Variants in YTHDC2 observed in about 807,000 individuals in gnomAD.
YTHDC2 encodes YTH N6-methyladenosine RNA binding protein C2.
YTHDC2 carries 45 observed loss-of-function variants against 174.9 expected under a neutral mutation model. That is an observed-to-expected ratio of 0.26 (90% CI 0.20 to 0.33). The LOEUF is 0.33. Among genes scored for constraint, YTHDC2 ranks in the 10% least tolerant of loss-of-function variants. The probability of loss-of-function intolerance (pLI) is 1.00; values close to 1 mark genes in which losing one functional copy is unlikely to be tolerated. For synonymous variants in YTHDC2, 657 were observed against 574.5 expected (o/e 1.14, Z -2.05); for missense variants, 1,650 against 1,723.7 (o/e 0.96, Z 0.76).
intron 7 of YTHDC2, among the ~76,000 whole-genome samples, chr5:113,536,252 G>T (rs59757131): frequency 2.0e-5 from 3 of 152,312 alleles, no homozygotes; most frequent in East Asian, 1.9e-4. Context: ...TAGGCCGGGC[G>T]TGGGGGCTCA....
At chr5:113,588,207 C>G (rs950575588) in intron 26 of YTHDC2, among the ~76,000 whole-genome samples, 3 of 151,338 alleles carry the variant, frequency 2.0e-5, no homozygotes, top group Non-Finnish European at 2.9e-5. Context: ...TCTTTTTTAC[C>G]TTATCTCTCT....
rs930999305 is a variant in YTHDC2, at chr5:113,520,719, G to A, written c.279-4262G>A. ...CTTTCTTATACATTAAATGCAGCAG[G>A]ATGTATGACAGAGCATGCCTCCATT... On this transcript the variant is annotated intron_variant, in intron 2 of 29. Coordinates refer to ENST00000161863, the MANE Select transcript of YTHDC2 (RefSeq NM_022828.5). 2.4e-4 allele frequency among the ~76,000 whole-genome samples: 37 copies of A among 152,144 alleles called. 1 individual carries two copies. Among genetic ancestry groups the A allele is most frequent in the Non-Finnish European group, 7.3e-5 (5 of 68,032 alleles).
rs746138759 is a variant in YTHDC2, at chr5:113,553,309, T to C, written c.1817T>C (p.Leu606Ser). ...HHSFDDEKVD[L>S]DLIMHLLYNI... ...AGTTTCGATGATGAAAAAGTAGACT[T>C]GGATTTGATCATGCATCTTCTATAC... The change falls in exon 13 of 30, where the codon TTG (leucine) becomes TCG (serine). Residue 606 changes from leucine (L) to serine (S), a missense_variant. Transcript: ENST00000161863. 1.4e-5 allele frequency: 22 copies of C among 1,611,940 alleles called. No individual in the cohort carries two copies. In the South Asian group the frequency reaches 2.2e-4, roughly 16 times the overall value.
intron 20 of YTHDC2, among the ~76,000 whole-genome samples, chr5:113,564,561 A>G (rs1325387246): frequency 6.6e-6 from 1 of 152,196 alleles, no homozygotes; most frequent in Non-Finnish European, 1.5e-5. Context: ...TGTTTGCTCA[A>G]GACACTATGC....
intron 4 of YTHDC2, among the ~76,000 whole-genome samples, chr5:113,530,968 A>G (rs964899213): frequency 2.0e-5 from 3 of 152,098 alleles, no homozygotes; most frequent in African/African-American, 7.2e-5. Context: ...GAATTCTAGG[A>G]TGGTGTTTTT....
chr5:113,566,635 T>C (rs1561682741), intron 21 of YTHDC2, among the ~76,000 whole-genome samples: 1 of 152,090 alleles, frequency 6.6e-6, no homozygotes, highest in Non-Finnish European at 1.5e-5. Flanking sequence ...GACTTGAACA[T>C]AAGGAAATAT....
At chr5:113,540,672 C>T (rs902876473) in intron 8 of YTHDC2, among the ~76,000 whole-genome samples, 4 of 152,130 alleles carry the variant, frequency 2.6e-5, no homozygotes, top group African/African-American at 9.7e-5. Flanking sequence ...CCCCATGATC[C>T]AATCACCTCC....
chr5:113,518,198 T>G lies in YTHDC2; in HGVS notation c.278+2836T>G, dbSNP rs1295936551. 7.4e-5 allele frequency among the ~76,000 whole-genome samples: 11 copies of G among 149,586 alleles called. No individual in the cohort carries two copies. The East Asian group carries it at 2.1e-3, about 29-fold the overall frequency. ...CCACTGCACCTGGCGTTTTTTTGTT[T>G]TTTTTTTTTTTTGGAGACAAGGTCT... On this transcript the variant is annotated intron_variant, in intron 2 of 29. Transcript: ENST00000161863.
At chr5:113,518,991 C>T (rs889216542) in intron 2 of YTHDC2, among the ~76,000 whole-genome samples, 1 of 151,836 alleles carries the variant, frequency 6.6e-6, no homozygotes, top group Non-Finnish European at 1.5e-5. Context: ...AGGCTTTCCT[C>T]GCAAGTAGAT....
intron 21 of YTHDC2, among the ~76,000 whole-genome samples, chr5:113,566,678 A>G (rs1016856382): frequency 6.6e-6 from 1 of 152,154 alleles, no homozygotes; most frequent in African/African-American, 2.4e-5. Flanking sequence ...AAAAATTACC[A>G]TATATTTACT....
chr5:113,516,435 C>T (rs1458899567), intron 2 of YTHDC2, among the ~76,000 whole-genome samples: 11 of 152,138 alleles, frequency 7.2e-5, no homozygotes, highest in Non-Finnish European at 5.9e-5. Flanking sequence ...AATTCTGTGG[C>T]GCTATTTCAT....
Position 113,525,077 on chromosome 5 carries a change from T to A in YTHDC2, c.375T>A (p.His125Gln), listed in dbSNP as rs759170585. 12 of 1,612,740 alleles carry A rather than the reference T, an allele frequency of 7.4e-6. No homozygotes were observed. The South Asian group carries it at 1.3e-4, about 18-fold the overall frequency. Reference protein sequence around the residue: ...MTCNLTHNTKHAVRSLIQRFP... With the variant: ...MTCNLTHNTKQAVRSLIQRFP... ...GTAATTTGACTCATAATACAAAACA[T>A]GCTGTTAGGAGCCTAATTCAAAGAT... is the stretch of plus-strand genomic sequence containing the variant. Residue 125 changes from histidine (H) to glutamine (Q), a missense_variant, in exon 3 of 30, where the codon CAT becomes CAA. Physicochemically the swap from His to Gln is conservative, Grantham distance 24. This residue lies in a region of YTHDC2 where 304 missense variants were observed against 341.4 expected (regional missense o/e 0.89). Coordinates refer to ENST00000161863, the MANE Select transcript of YTHDC2 (RefSeq NM_022828.5).
At position 113,561,088 on chromosome 5, in the gene YTHDC2, G is replaced by A. The variant is rs753119521; in HGVS notation, c.2225G>A (p.Arg742Gln). 1 of 1,605,412 alleles carries A rather than the reference G, an allele frequency of 6.2e-7. No individual in the cohort carries two copies. The highest frequency in any genetic ancestry group is 1.7e-5 in the Admixed American group (1 of 59,638). ...SAIQRKGRAG[R>Q]CRPGICFRLF... ...TGTACTTTATTTTTAAGGGCAGGGC[G>A]ATGTAGACCTGGAATTTGTTTTCGT... Residue 742 changes from arginine (R) to glutamine (Q), a missense_variant, in exon 18 of 30, where the codon CGA (arginine) becomes CAA (glutamine). Arg to Gln is a conservative substitution (Grantham distance 43, BLOSUM62 1). This residue lies in a region of YTHDC2 where 913 missense variants were observed against 940.4 expected (regional missense o/e 0.97). Transcript: ENST00000161863.
chr5:113,583,941 GA>G (rs1778536772), intron 25 of YTHDC2: 1 of 158,168 alleles, frequency 6.3e-6, no homozygotes, highest in Non-Finnish European at 1.4e-5. Flanking sequence ...CATACTTTAA[GA>G]AAGATTATGA....
At chr5:113,581,963 T>C (rs1778430925) in intron 25 of YTHDC2, 1 of 265,286 alleles carries the variant, frequency 3.8e-6, no homozygotes, top group South Asian at 1.6e-4. Flanking sequence ...CAGGAAAAGG[T>C]CAAAATATCT....
At chr5:113,568,449 T>C (rs1420641100) in intron 23 of YTHDC2, among the ~76,000 whole-genome samples, 1 of 152,178 alleles carries the variant, frequency 6.6e-6, no homozygotes, top group East Asian at 1.9e-4. Context: ...GGTGGTTTGC[T>C]GCACAGATCA....
At chr5:113,555,463 A>G (rs1776542598) in intron 16 of YTHDC2, among the ~76,000 whole-genome samples, 1 of 152,284 alleles carries the variant, frequency 6.6e-6, no homozygotes, top group Admixed American at 6.5e-5. Context: ...TTTTCACTGT[A>G]GGTTATTTGA....
In YTHDC2 at chr5:113,514,018, T is replaced by C. The variant is rs761011961; in HGVS notation, c.123T>C (p.Ile41=). Residue 41 remains isoleucine (I), a synonymous_variant, in exon 1 of 30, where the codon ATT becomes ATC. Transcript: ENST00000161863. ...CCAAGGGGCTGAAGGACATTCGCAT[T>C]GATGAGGAGGTGAAGATCGCAGTCA... ...GRAKGLKDIR[I]DEEVKIAVNI... The C allele has an allele frequency of 6.2e-7, 1 of 1,610,698 alleles. No homozygotes were observed. The highest frequency in any genetic ancestry group is 8.5e-7 in the Non-Finnish European group (1 of 1,178,786).
At chr5:113,514,126 C>T (rs2416281) in intron 1 of YTHDC2, 44 bp downstream of exon 1, 264,613 of 1,580,776 alleles carry the variant, frequency 0.17, 25,034 homozygotes, top group Admixed American at 0.41. Context: ...AGGATACCCC[C>T]CTCACCCCAG....
Sources: gnomAD v4.1 joint callset for allele counts (sites outside exome capture counted in the v4.1 genomes callset) on GRCh38, gnomAD v4.1.1 for gene constraint, gnomAD v4.1.1 regional missense constraint, MANE v1.5 for transcripts, NCBI Gene and HGNC (gene_info 2026-07-23, HGNC 2026-07-21) for gene names.